The following UNC5D variants were observed in gnomAD, a reference collection of about 807,000 sequenced individuals.
The protein encoded by UNC5D is netrin receptor UNC5D.
Under a neutral mutation model 105.4 loss-of-function variants are expected in UNC5D, and 39 were observed. That is an observed-to-expected ratio of 0.37 (90% confidence interval 0.29 to 0.48). The LOEUF (loss-of-function observed/expected upper bound fraction) is 0.48. Among genes scored for constraint, UNC5D ranks in the 20% least tolerant of loss-of-function variants. The pLI, the probability that UNC5D is intolerant of heterozygous loss-of-function variation, is 0.98. For missense variants in UNC5D, 991 were observed against 1,202.4 expected (o/e 0.82, Z 2.60); for synonymous variants, 452 against 450.4 (o/e 1.00, Z -0.04).
intron 11 of UNC5D, among the ~76,000 whole-genome samples, chr8:35,733,279 C>T (rs1183632698): frequency 4.6e-5 from 7 of 152,208 alleles, no homozygotes; most frequent in Non-Finnish European, 7.3e-5. Context: ...CTTTCTACTA[C>T]TTCATTTTAA....
intron 1 of UNC5D, among the ~76,000 whole-genome samples, chr8:35,312,841 C>T (rs1239369718): frequency 6.6e-6 from 1 of 152,186 alleles, no homozygotes; most frequent in African/African-American, 2.4e-5. Context: ...TAAATAGTCA[C>T]TGTTGTGTAA....
intron 9 of UNC5D, among the ~76,000 whole-genome samples, chr8:35,724,917 G>A (rs1160998587): frequency 6.6e-6 from 1 of 152,000 alleles, no homozygotes. Context: ...CCTGGGTCTT[G>A]ATACAACACA....
chr8:35,262,352 A>G (rs1804552149), intron 1 of UNC5D, among the ~76,000 whole-genome samples: 2 of 152,180 alleles, frequency 1.3e-5, no homozygotes, highest in Non-Finnish European at 2.9e-5. Flanking sequence ...ATAGATATTG[A>G]CTGTTTCAAA....
chr8:35,722,323 G>A lies in UNC5D; in HGVS notation c.1231G>A (p.Gly411Ser). The A allele has an allele frequency of 6.2e-7, 1 of 1,614,138 alleles. No individual in the cohort carries two copies. The highest frequency in any genetic ancestry group is 8.5e-7 in the Non-Finnish European group (1 of 1,180,020). Reference sequence around the variant, plus strand: ...TTACAGACGGAGCCAGAGTGACTATGGCGTGGACGTCATTGACTCTTCTGC... The same window carrying A: ...TTACAGACGGAGCCAGAGTGACTATAGCGTGGACGTCATTGACTCTTCTGC... Reference protein sequence around the residue: ...TLYRRSQSDYGVDVIDSSALT... With the variant: ...TLYRRSQSDYSVDVIDSSALT... The change falls in exon 9 of 17, where the codon GGC (glycine) becomes AGC (serine). Residue 411 changes from glycine to serine, a missense_variant. Transcript: ENST00000404895.
chr8:35,507,857 C>T (rs1251773571), intron 1 of UNC5D, among the ~76,000 whole-genome samples: 2 of 152,040 alleles, frequency 1.3e-5, no homozygotes, highest in South Asian at 4.1e-4. Flanking sequence ...TGGATCAAAA[C>T]ATCTCATGTT....
rs867942485 is a variant in UNC5D at position 35,405,760 on chromosome 8, A to G, written c.104-143532A>G. Among the ~76,000 whole-genome samples the G allele has an allele frequency of 3.3e-5, 5 of 152,194 alleles. No homozygotes were observed. In the South Asian group the frequency reaches 8.3e-4, roughly 25 times the overall value. The stretch of plus-strand genomic sequence containing the variant: ...TTTTCTAATTTTCATCTTCATTTCT[A>G]GTTACAACTCTGACCAGCTTTTAGC... On this transcript the variant is annotated intron_variant, in intron 1 of 16. Coordinates refer to ENST00000404895, the MANE Select transcript of UNC5D (RefSeq NM_080872.4).
chr8:35,358,386 T>C (rs1801673591), intron 1 of UNC5D, among the ~76,000 whole-genome samples: 1 of 152,082 alleles, frequency 6.6e-6, no homozygotes, highest in Non-Finnish European at 1.5e-5. Flanking sequence ...CTCAGCAAAC[T>C]AATGGAAACA....
chr8:35,631,926 T>C (rs1822066771), intron 4 of UNC5D, among the ~76,000 whole-genome samples: 1 of 152,212 alleles, frequency 6.6e-6, no homozygotes, highest in African/African-American at 2.4e-5. Flanking sequence ...GCCAGAACAA[T>C]TAAGTGTTAT....
At chr8:35,412,442 G>A (rs1805236559) in intron 1 of UNC5D, among the ~76,000 whole-genome samples, 2 of 151,070 alleles carry the variant, frequency 1.3e-5, no homozygotes, top group Non-Finnish European at 3.0e-5. Context: ...TGTTGCCTGG[G>A]CCCCTTGCTT....
At chr8:35,786,721 T>A (rs1408992068) in intron 16 of UNC5D, among the ~76,000 whole-genome samples, 2 of 152,080 alleles carry the variant, frequency 1.3e-5, no homozygotes, top group Non-Finnish European at 2.9e-5. Flanking sequence ...ACTTTGGCCA[T>A]CTAGTTGCTT....
intron 3 of UNC5D, among the ~76,000 whole-genome samples, chr8:35,571,652 T>A (rs986417398): frequency 1.3e-5 from 2 of 152,224 alleles, no homozygotes; most frequent in Non-Finnish European, 2.9e-5. Context: ...TATATGGGGA[T>A]GAGAGAGATT....
chr8:35,558,678 A>G (rs1036508750), intron 2 of UNC5D, among the ~76,000 whole-genome samples: 78 of 152,132 alleles, frequency 5.1e-4, no homozygotes, highest in African/African-American at 1.9e-3. Flanking sequence ...AAACTCTTGA[A>G]TATAAGAGAA....
In UNC5D at chr8:35,721,582, C is replaced by G. The variant is rs935766612; in HGVS notation, c.1118-628C>G. The G allele has an allele frequency of 4.3e-6, 3 of 696,252 alleles. No individual in the cohort carries two copies. In the Admixed American group the frequency reaches 6.1e-5, roughly 14 times the overall value. The allele number at this position is 696,252 out of a possible 1,614,324, so 43.1% of individuals were successfully genotyped here. On this transcript the variant is annotated intron_variant, in intron 8 of 16. Transcript: ENST00000404895. ...AACATCTGCCATGGACTTAACAGCA[C>G]CTGGGACCAAGACCTTCATATCCCA...
chr8:35,440,842 C>T (rs1319491088), intron 1 of UNC5D, among the ~76,000 whole-genome samples: 3 of 151,970 alleles, frequency 2.0e-5, no homozygotes, highest in South Asian at 2.1e-4. Flanking sequence ...TCCTAATATT[C>T]GTGATTCATG....
At chr8:35,451,232 A>G (rs62505489) in intron 1 of UNC5D, among the ~76,000 whole-genome samples, 20,786 of 151,848 alleles carry the variant, frequency 0.14, 2,025 homozygotes, top group African/African-American at 0.27. Flanking sequence ...TAGTAGAGAT[A>G]GTGTTTCTCC....
intron 1 of UNC5D, among the ~76,000 whole-genome samples, chr8:35,327,397 C>T (rs925438253): frequency 6.6e-6 from 1 of 152,278 alleles, no homozygotes; most frequent in South Asian, 2.1e-4. Context: ...ATGCCGATGA[C>T]CCGTGCATAC....
intron 2 of UNC5D, among the ~76,000 whole-genome samples, chr8:35,566,355 T>A (rs544887013): frequency 1.3e-5 from 2 of 152,314 alleles, no homozygotes; most frequent in East Asian, 3.9e-4. Context: ...GAAACCAAGA[T>A]ATAATCATGA....
intron 14 of UNC5D, among the ~76,000 whole-genome samples, chr8:35,762,452 G>T (rs1253777280): frequency 6.6e-6 from 1 of 152,144 alleles, no homozygotes; most frequent in African/African-American, 2.4e-5. Flanking sequence ...TCTCATTATG[G>T]TAGCAGCCAC....
chr8:35,488,172 G>T (rs1046063427), intron 1 of UNC5D, among the ~76,000 whole-genome samples: 1 of 152,186 alleles, frequency 6.6e-6, no homozygotes, highest in Non-Finnish European at 1.5e-5. Flanking sequence ...GCAACCGTTT[G>T]CTAAAGAGAT....
Sources: allele counts gnomAD v4.1 joint callset (sites outside exome capture counted in the v4.1 genomes callset), GRCh38; gene constraint gnomAD v4.1.1; transcripts MANE v1.5; gene names NCBI Gene and HGNC (gene_info 2026-07-23, HGNC 2026-07-21).